COP1: variants seen among roughly 807,000 people sequenced by gnomAD.
COP1 encodes the protein E3 ubiquitin-protein ligase COP1.
COP1 carries 24 observed loss-of-function variants against 101.3 expected under a neutral mutation model. That is an observed-to-expected ratio of 0.24 (90% CI 0.17 to 0.33). COP1 has a LOEUF of 0.33. COP1 is among the 10% of genes least tolerant of loss of function. The probability of loss-of-function intolerance (pLI) is 1.00; values close to 1 mark genes in which losing one functional copy is unlikely to be tolerated. For synonymous variants in COP1, 347 were observed against 341.9 expected, an observed-to-expected ratio of 1.01 and a Z score of -0.17; for missense variants, 663 against 906.2, an observed-to-expected ratio of 0.73 and a Z score of 3.45.
At chr1:176,185,290 A>G (rs548053869) in intron 1 of COP1, among the ~76,000 whole-genome samples, 10 of 152,232 alleles carry the variant, frequency 6.6e-5, no homozygotes, top group Non-Finnish European at 1.0e-4. Context: ...CACAGTTTAT[A>G]GATGAGGGAA....
At chr1:176,035,813 T>C (rs1669433892) in intron 14 of COP1, among the ~76,000 whole-genome samples, 1 of 151,262 alleles carries the variant, frequency 6.6e-6, no homozygotes, top group Non-Finnish European at 1.5e-5. Flanking sequence ...ACAGCATTTA[T>C]AGTACAGTTT....
intron 15 of COP1, among the ~76,000 whole-genome samples, chr1:175,994,039 G>A (rs4298692): frequency 0.069 from 10,579 of 152,288 alleles, 462 homozygotes; most frequent in Non-Finnish European, 0.087. Flanking sequence ...GACTAAGAGG[G>A]GATCTCTGGG....
chr1:175,966,075 C>T (rs887106595), intron 18 of COP1, among the ~76,000 whole-genome samples: 1 of 152,042 alleles, frequency 6.6e-6, no homozygotes, highest in African/African-American at 2.4e-5. Context: ...TTCTTTTTGT[C>T]CCTGACTTTT....
chr1:175,952,655 T>C (rs1217767381), intron 18 of COP1, among the ~76,000 whole-genome samples: 1 of 152,126 alleles, frequency 6.6e-6, no homozygotes, highest in Non-Finnish European at 1.5e-5. Context: ...ACACCTGCAA[T>C]GCCAGCACTT....
chr1:176,136,664 G>A (rs1294819082), intron 6 of COP1, 117 bp from the exon 7 acceptor site: 9 of 608,142 alleles, frequency 1.5e-5, no homozygotes, highest in Non-Finnish European at 2.5e-5. Context: ...ATCAAACTTG[G>A]CACTAATGGC....
At chr1:176,020,470 G>C (rs1183823582) in intron 15 of COP1, among the ~76,000 whole-genome samples, 1 of 152,114 alleles carries the variant, frequency 6.6e-6, no homozygotes, top group African/African-American at 2.4e-5. Flanking sequence ...CCTGAGGTCA[G>C]AAGTTCGAGT....
chr1:176,189,175 G>C (rs115748431), intron 1 of COP1, among the ~76,000 whole-genome samples: 1 of 151,994 alleles, frequency 6.6e-6, no homozygotes, highest in Non-Finnish European at 1.5e-5. Context: ...AGATAAAAAC[G>C]GAAACAGACT....
intron 11 of COP1, among the ~76,000 whole-genome samples, chr1:176,080,360 A>T (rs1188724754): frequency 6.6e-6 from 1 of 152,174 alleles, no homozygotes. Flanking sequence ...TTATCTTAAG[A>T]AATTAGCAGA....
At chr1:176,032,480 A>G (rs1221852101) in intron 14 of COP1, among the ~76,000 whole-genome samples, 1 of 152,092 alleles carries the variant, frequency 6.6e-6, no homozygotes, top group African/African-American at 2.4e-5. Flanking sequence ...ACTATCTCAC[A>G]CAGTTTTGGA....
intron 15 of COP1, among the ~76,000 whole-genome samples, chr1:176,011,649 T>C (rs1571660928): frequency 1.3e-5 from 2 of 152,210 alleles, no homozygotes; most frequent in South Asian, 4.1e-4. Context: ...AACTGTTTTA[T>C]GGCTAGAGAG....
rs534155426 is a variant in COP1, at chr1:176,007,602, C to A, written c.1730-18123G>T. ...CTGCAGGTCTGTTGGAATACCCTGC[C>A]GTGTGAGATGTCAGTGTGCCCCTGC... On this transcript the variant is annotated intron_variant, in intron 15 of 19. Transcript: ENST00000367669. 1.1e-4 allele frequency among the ~76,000 whole-genome samples: 17 copies of A among 151,718 alleles called. No individual in the cohort carries two copies. In the East Asian group the frequency reaches 2.9e-3, roughly 26 times the overall value.
chr1:176,067,252 A>G (rs1221911802), intron 11 of COP1, among the ~76,000 whole-genome samples: 1 of 152,032 alleles, frequency 6.6e-6, no homozygotes, highest in Non-Finnish European at 1.5e-5. Flanking sequence ...CTGGGAGGAG[A>G]AGGTCTGGGT....
intron 8 of COP1, among the ~76,000 whole-genome samples, chr1:176,120,855 T>A (rs1192981019): frequency 6.6e-6 from 1 of 152,168 alleles, no homozygotes; most frequent in Admixed American, 6.5e-5. Flanking sequence ...AAAGAATGGT[T>A]TAAATTTAAA....
chr1:176,186,927 A>G (rs757767404), intron 1 of COP1, among the ~76,000 whole-genome samples: 3 of 152,194 alleles, frequency 2.0e-5, no homozygotes, highest in Non-Finnish European at 4.4e-5. Flanking sequence ...AAATGACTAC[A>G]GGTTTACCTC....
At chr1:176,028,760 ATTATTT>A (rs1289612605) in intron 14 of COP1, among the ~76,000 whole-genome samples, 1 of 110,992 alleles carries the variant, frequency 9.0e-6, no homozygotes, top group Non-Finnish European at 1.9e-5. Flanking sequence ...TATTATTATT[ATTATTT>A]TTGAGACAGG....
intron 15 of COP1, among the ~76,000 whole-genome samples, chr1:175,997,465 T>C (rs944706626): frequency 2.0e-5 from 3 of 151,872 alleles, no homozygotes; most frequent in Admixed American, 2.0e-4. Context: ...ATAGGCAACC[T>C]ACAAAATGGG....
chr1:176,058,523 G>A (rs1474225927), intron 11 of COP1, among the ~76,000 whole-genome samples: 1 of 152,152 alleles, frequency 6.6e-6, no homozygotes, highest in African/African-American at 2.4e-5. Flanking sequence ...TAAGGGCGGT[G>A]CAAGATGTGC....
At chr1:176,016,796 C>CA (rs1160649978) in intron 15 of COP1, among the ~76,000 whole-genome samples, 3 of 150,874 alleles carry the variant, frequency 2.0e-5, no homozygotes, top group South Asian at 2.1e-4. Flanking sequence ...GGTAAATAAA[C>CA]AAAAAAATTT....
chr1:175,965,573 T>TTTG (rs1558167497), intron 18 of COP1, among the ~76,000 whole-genome samples: 35 of 89,358 alleles, frequency 3.9e-4, no homozygotes, highest in African/African-American at 1.2e-3. Flanking sequence ...CTGGGTTTTT[T>TTTG]TTTTGTTTTG....
Sources: gnomAD v4.1 joint callset for allele counts (sites outside exome capture counted in the v4.1 genomes callset) on GRCh38, gnomAD v4.1.1 for gene constraint, MANE v1.5 for transcripts, NCBI Gene and HGNC (gene_info 2026-07-23, HGNC 2026-07-21) for gene names.